The following MKLN1 variants were observed in gnomAD, a reference collection of about 807,000 sequenced individuals.
MKLN1 encodes muskelin 1.
Under a neutral mutation model 99.0 loss-of-function variants are expected in MKLN1, and 18 were observed. The observed-to-expected ratio is 0.18, with a 90% CI of 0.13 to 0.27. The LOEUF (loss-of-function observed/expected upper bound fraction) is 0.27. Among genes scored for constraint, MKLN1 ranks in the 10% least tolerant of loss-of-function variants. MKLN1 has a pLI of 1.00. For missense variants in MKLN1, 621 were observed against 875.9 expected (o/e 0.71, Z 3.67); for synonymous variants, 288 against 293.2 (o/e 0.98, Z 0.18).
At chr7:131,208,812 G>C (rs1441342258) in intron 3 of MKLN1, among the ~76,000 whole-genome samples, 3 of 152,128 alleles carry the variant, frequency 2.0e-5, no homozygotes, top group East Asian at 1.9e-4. Context: ...TTCTAGTGTA[G>C]GGGAGTTGGA....
intron 7 of MKLN1, among the ~76,000 whole-genome samples, chr7:131,413,411 A>C (rs1794932233): frequency 6.6e-6 from 1 of 152,240 alleles, no homozygotes; most frequent in Non-Finnish European, 1.5e-5. Flanking sequence ...AAGCCAATAC[A>C]GGGAAACTTA....
chr7:131,167,971 G>A (rs977566637), intron 2 of MKLN1, among the ~76,000 whole-genome samples: 2 of 152,076 alleles, frequency 1.3e-5, no homozygotes, highest in Non-Finnish European at 2.9e-5. Flanking sequence ...ACCTGAAAAA[G>A]GACTAGGAGG....
In MKLN1 at chr7:131,476,103, C is replaced by G. The variant is rs145843899; in HGVS notation, c.2032-2520C>G. Among the ~76,000 whole-genome samples, 4 of 152,206 alleles carry G rather than the reference C, an allele frequency of 2.6e-5. No individual in the cohort carries two copies. The East Asian group carries it at 7.7e-4, about 29-fold the overall frequency. On this transcript the variant is annotated intron_variant, in intron 16 of 17. Transcript: ENST00000352689. ...AAAAGCATCTAAGAAAATTCAGACT[C>G]ATTCATAATAAAAATTCTTAGCAAA... is the stretch of plus-strand genomic sequence containing the variant.
At chr7:131,295,745 C>T (rs1390309233) in intron 3 of MKLN1, among the ~76,000 whole-genome samples, 8 of 151,866 alleles carry the variant, frequency 5.3e-5, no homozygotes, top group African/African-American at 1.9e-4. Context: ...ATTAACTGGA[C>T]ATGGTGTTAC....
chr7:131,324,181 T>C (rs1310062021), upstream of MKLN1: 1 of 152,114 alleles, frequency 6.6e-6, no homozygotes, highest in African/African-American at 2.4e-5. Context: ...GAATCTTCTG[T>C]CCAAAGACAG....
At chr7:131,439,165 A>T (rs1795756723) in intron 10 of MKLN1, among the ~76,000 whole-genome samples, 2 of 152,202 alleles carry the variant, frequency 1.3e-5, no homozygotes, top group African/African-American at 4.8e-5. Context: ...GAAAATAAGC[A>T]TGCCAAGAAA....
At chr7:131,283,844 G>A (rs1011039368) in intron 3 of MKLN1, among the ~76,000 whole-genome samples, 2 of 152,134 alleles carry the variant, frequency 1.3e-5, no homozygotes, top group African/African-American at 4.8e-5. Context: ...GGCAAGTTTT[G>A]CATGTTTAAA....
At chr7:131,144,619 TTACAAG>T (rs1795790687) in intron 2 of MKLN1, among the ~76,000 whole-genome samples, 1 of 151,776 alleles carries the variant, frequency 6.6e-6, no homozygotes, top group South Asian at 2.1e-4. Context: ...AGCGCTGGGG[TTACAAG>T]TACATTTTTG....
intron 2 of MKLN1, among the ~76,000 whole-genome samples, chr7:131,153,270 G>T (rs1447271174): frequency 6.6e-6 from 1 of 151,900 alleles, no homozygotes; most frequent in East Asian, 1.9e-4. Context: ...ATTATAATTT[G>T]AACTCATTCA....
chr7:131,488,032 G>T lies in MKLN1; in HGVS notation c.*304G>T, dbSNP rs1797333902. On this transcript the variant is annotated 3_prime_UTR_variant, in exon 18 of 18. Coordinates refer to ENST00000352689, the MANE Select transcript of MKLN1 (RefSeq NM_013255.5). ...ATTAATGAGTATAAAAGAAAAATTA[G>T]GCAGTTTACCCTTTTCAGATTTTTA... The T allele has an allele frequency of 6.5e-6, 1 of 154,948 alleles. No homozygotes were observed. The highest frequency in any genetic ancestry group is 1.4e-5 in the Non-Finnish European group (1 of 70,782). 9.6% of individuals were successfully genotyped at this position (154,948 alleles called of 1,614,324 possible). A position where few individuals can be genotyped will look rare whatever the true frequency, so the allele number is the denominator to read the frequency against.
At chr7:131,258,703 G>A (rs141033549) in intron 3 of MKLN1, among the ~76,000 whole-genome samples, 40 of 152,236 alleles carry the variant, frequency 2.6e-4, no homozygotes, top group African/African-American at 8.9e-4. Context: ...CTTTATTAGT[G>A]CCTTGTGTGG....
chr7:131,132,841 G>A (rs1032320093), intron 1 of MKLN1, among the ~76,000 whole-genome samples: 1 of 143,266 alleles, frequency 7.0e-6, no homozygotes, highest in African/African-American at 2.6e-5. Flanking sequence ...CAGGAGAATC[G>A]CTTAAACCTG....
At chr7:131,398,051 C>T (rs1794411005) in intron 5 of MKLN1, among the ~76,000 whole-genome samples, 2 of 152,134 alleles carry the variant, frequency 1.3e-5, no homozygotes, top group African/African-American at 2.4e-5. Flanking sequence ...GTTAAGTCAG[C>T]TATCAACTGA....
chr7:131,285,691 GGGTGT>G (rs1337869580), intron 3 of MKLN1, among the ~76,000 whole-genome samples: 1 of 152,202 alleles, frequency 6.6e-6, no homozygotes, highest in Non-Finnish European at 1.5e-5. Flanking sequence ...GCTGAGCTGA[GGGTGT>G]GGTTTGCTTG....
At chr7:131,303,997 T>A (rs571518162) in intron 3 of MKLN1, among the ~76,000 whole-genome samples, 1 of 152,330 alleles carries the variant, frequency 6.6e-6, no homozygotes, top group Non-Finnish European at 1.5e-5. Flanking sequence ...ACTAGGAGAT[T>A]CAATTTAAAA....
intron 1 of MKLN1, among the ~76,000 whole-genome samples, chr7:131,363,384 G>A (rs941218231): frequency 1.8e-4 from 27 of 151,822 alleles, no homozygotes; most frequent in African/African-American, 6.5e-4. Flanking sequence ...TCTCCTGGAG[G>A]GTTCTCATTC....
chr7:131,142,007 T>C (rs749397610), intron 1 of MKLN1, among the ~76,000 whole-genome samples: 1 of 152,208 alleles, frequency 6.6e-6, no homozygotes, highest in Non-Finnish European at 1.5e-5. Context: ...CTGGGTGTGG[T>C]GGCTCACAAC....
intron 2 of MKLN1, among the ~76,000 whole-genome samples, chr7:131,163,686 A>G (rs1361496204): frequency 6.6e-6 from 1 of 152,234 alleles, no homozygotes; most frequent in Non-Finnish European, 1.5e-5. Flanking sequence ...GCCATTCTCT[A>G]AAATATTAAA....
chr7:131,365,803 ATG>A (rs1165453671), intron 1 of MKLN1, among the ~76,000 whole-genome samples: 3 of 151,662 alleles, frequency 2.0e-5, no homozygotes, highest in East Asian at 1.9e-4. Flanking sequence ...CTTAAATTTT[ATG>A]TGTGTTTTTT....
Sources: gnomAD v4.1 joint callset for allele counts (sites outside exome capture counted in the v4.1 genomes callset) on GRCh38, gnomAD v4.1.1 for gene constraint, MANE v1.5 for transcripts, NCBI Gene and HGNC (gene_info 2026-07-23, HGNC 2026-07-21) for gene names.